RFX7: variants seen among roughly 807,000 people sequenced by gnomAD.
RFX7 encodes the protein DNA-binding protein RFX7.
A neutral mutation model predicts 111.8 loss-of-function variants in RFX7; 26 were observed. The ratio of observed to expected loss-of-function variants is 0.23; its 90% confidence interval spans 0.17 to 0.32. The LOEUF is 0.32. Among genes scored for constraint, RFX7 ranks in the 10% least tolerant of loss-of-function variants. RFX7 has a pLI of 1.00. For synonymous variants in RFX7, 624 were observed against 624.4 expected (o/e 1.00, Z 0.01); for missense variants, 1,573 against 1,772.9 (o/e 0.89, Z 2.02).
chr15:56,131,096 T>C (rs1451373607), intron 5 of RFX7, among the ~76,000 whole-genome samples: 1 of 150,716 alleles, frequency 6.6e-6, no homozygotes, highest in African/African-American at 2.4e-5. Context: ...TATCAAAACC[T>C]GACAAAGATA....
intron 2 of RFX7, among the ~76,000 whole-genome samples, chr15:56,238,974 C>T (rs1168997678): frequency 1.3e-5 from 2 of 151,936 alleles, no homozygotes; most frequent in African/African-American, 4.8e-5. Context: ...GCTGGGACTA[C>T]AGGCGCACGA....
At chr15:56,106,017 TTGG>T (rs1471670631) in intron 5 of RFX7, among the ~76,000 whole-genome samples, 2 of 152,204 alleles carry the variant, frequency 1.3e-5, no homozygotes, top group African/African-American at 4.8e-5. Context: ...TTATGGTTAC[TTGG>T]TGGTGACAGT....
chr15:56,210,295 A>G (rs1176308142), intron 2 of RFX7, among the ~76,000 whole-genome samples: 2 of 152,134 alleles, frequency 1.3e-5, no homozygotes, highest in East Asian at 1.9e-4. Context: ...ACCTAATAAT[A>G]TAACTTCAAA....
intron 6 of RFX7, 43 bp from the exon 7 acceptor site, chr15:56,102,296 T>A (rs750699932): frequency 8.2e-7 from 1 of 1,218,444 alleles, no homozygotes. Context: ...TTAAATGAAT[T>A]GCTTATACAG....
In RFX7 at chr15:56,090,968, G is replaced by A. The variant is rs546429639; in HGVS notation, c.*2377C>T. On this transcript the variant is annotated 3_prime_UTR_variant, in exon 10 of 10. Transcript: ENST00000559447. Reference sequence around the variant, plus strand: ...ATTCAACAATAACTAAGCAGAATTAGTAAACATAAAGTAAATAACCTGTGA... The same window carrying A: ...ATTCAACAATAACTAAGCAGAATTAATAAACATAAAGTAAATAACCTGTGA... The A allele has an allele frequency of 3.9e-5, 6 of 152,562 alleles. No individual in the cohort carries two copies. The South Asian group carries it at 1.2e-3, about 32-fold the overall frequency. The allele number at this position is 152,562 out of a possible 1,614,324, so 9.5% of individuals were successfully genotyped here. A position where few individuals can be genotyped will look rare whatever the true frequency, so the allele number is the denominator to read the frequency against.
At chr15:56,100,846 T>C (rs546929117) in intron 8 of RFX7, among the ~76,000 whole-genome samples, 1 of 152,262 alleles carries the variant, frequency 6.6e-6, no homozygotes, top group Non-Finnish European at 1.5e-5. Flanking sequence ...CAGTAAAAAA[T>C]ATCACTCTTG....
At chr15:56,199,919 A>G (rs2043177547) in intron 2 of RFX7, among the ~76,000 whole-genome samples, 1 of 152,190 alleles carries the variant, frequency 6.6e-6, no homozygotes, top group African/African-American at 2.4e-5. Context: ...AAATTAGGAT[A>G]AAAAATGACT....
At chr15:56,192,034 C>T (rs1183176993) in intron 2 of RFX7, among the ~76,000 whole-genome samples, 3 of 152,108 alleles carry the variant, frequency 2.0e-5, no homozygotes, top group Non-Finnish European at 4.4e-5. Context: ...GTATCTTCCC[C>T]TTATGAGAGA....
intron 2 of RFX7, among the ~76,000 whole-genome samples, chr15:56,241,796 C>CA (rs1173528983): frequency 1.3e-5 from 2 of 151,858 alleles, no homozygotes; most frequent in African/African-American, 4.8e-5. Flanking sequence ...TTGTCAAAGC[C>CA]AAAAAAATTC....
chr15:56,194,255 T>G (rs2043127034), intron 2 of RFX7, among the ~76,000 whole-genome samples: 1 of 152,134 alleles, frequency 6.6e-6, no homozygotes, highest in African/African-American at 2.4e-5. Flanking sequence ...AAGTCTGAAG[T>G]CAGAGTGACT....
At chr15:56,137,350 G>A (rs1456388544) in intron 5 of RFX7, among the ~76,000 whole-genome samples, 1 of 152,172 alleles carries the variant, frequency 6.6e-6, no homozygotes, top group East Asian at 1.9e-4. Flanking sequence ...TTGGGAGAGT[G>A]TATGTGTCAA....
At chr15:56,174,010 G>A (rs947763196) in intron 3 of RFX7, among the ~76,000 whole-genome samples, 3 of 152,086 alleles carry the variant, frequency 2.0e-5, no homozygotes, top group Non-Finnish European at 4.4e-5. Flanking sequence ...GTGGAATTTC[G>A]CTCACACCTG....
chr15:56,135,063 T>G (rs1365715617), intron 5 of RFX7, among the ~76,000 whole-genome samples: 6 of 152,200 alleles, frequency 3.9e-5, no homozygotes, highest in African/African-American at 1.4e-4. Context: ...TGAATAATGC[T>G]GCAATAAACA....
chr15:56,112,659 T>G (rs1332750542), intron 5 of RFX7, among the ~76,000 whole-genome samples: 1 of 152,156 alleles, frequency 6.6e-6, no homozygotes, highest in Non-Finnish European at 1.5e-5. Context: ...ACAACTGGGA[T>G]CTAGTTAAAC....
intron 5 of RFX7, among the ~76,000 whole-genome samples, chr15:56,130,643 A>C (rs1275468625): frequency 6.6e-6 from 1 of 152,074 alleles, no homozygotes; most frequent in Non-Finnish European, 1.5e-5. Context: ...GTAAGAAAAA[A>C]ACCCAAGAAA....
At chr15:56,228,800 C>G (rs1379339714) in intron 2 of RFX7, among the ~76,000 whole-genome samples, 2 of 152,048 alleles carry the variant, frequency 1.3e-5, no homozygotes, top group Non-Finnish European at 2.9e-5. Context: ...TCCAGTACCC[C>G]CAGTGGATGC....
intron 3 of RFX7, among the ~76,000 whole-genome samples, chr15:56,158,723 A>G (rs1225077277): frequency 1.3e-5 from 2 of 152,100 alleles, no homozygotes; most frequent in Non-Finnish European, 2.9e-5. Context: ...TTGGGAGGCT[A>G]AAGTGGTACA....
In RFX7 at chr15:56,243,127, G is replaced by C. The variant is rs1339900216; in HGVS notation, c.159C>G (p.Ile53Met). ...CGAGCGATGGAGGATCCTCTTACCA[G>C]ATGGAGTTCTTGATCTTGTGTTGCA... is the stretch of plus-strand genomic sequence containing the variant. ...SALQHKIKNS[I>M]CKTVQSKVDC... The change falls in exon 2 of 10, where the codon ATC becomes ATG. Residue 53 changes from isoleucine to methionine, a missense_variant and splice_region_variant. By Grantham distance (10) the Ile-to-Met change is conservative. This residue lies in a region of RFX7 where 191 missense variants were observed against 194.2 expected (regional missense o/e 0.98). Transcript: ENST00000559447. 2 of 1,361,784 alleles carry C rather than the reference G, an allele frequency of 1.5e-6. No homozygotes were observed. The highest frequency in any genetic ancestry group is 2.0e-6 in the Non-Finnish European group (2 of 1,019,920). 84.4% of individuals were successfully genotyped at this position (1,361,784 alleles called of 1,614,324 possible).
intron 2 of RFX7, among the ~76,000 whole-genome samples, chr15:56,236,185 T>C (rs2043621395): frequency 6.6e-6 from 1 of 152,196 alleles, no homozygotes; most frequent in Admixed American, 6.5e-5. Flanking sequence ...TATTTTGTCT[T>C]ATAAATAGGA....
Sources: gnomAD v4.1 joint callset for allele counts (sites outside exome capture counted in the v4.1 genomes callset) on GRCh38, gnomAD v4.1.1 for gene constraint, gnomAD v4.1.1 regional missense constraint, MANE v1.5 for transcripts, NCBI Gene and HGNC (gene_info 2026-07-23, HGNC 2026-07-21) for gene names.